The following ZBTB46 variants were observed in gnomAD, a reference collection of about 807,000 sequenced individuals.
The protein encoded by ZBTB46 is zinc finger and BTB domain-containing protein 46.
In ZBTB46, 8 loss-of-function variants were observed where a neutral mutation model predicts 44.1. That is an observed-to-expected ratio of 0.18 (90% CI 0.11 to 0.33). The LOEUF (loss-of-function observed/expected upper bound fraction) is 0.33, where lower values mean the gene tolerates loss of function less well. ZBTB46 is among the 10% of genes least tolerant of loss of function. The probability of loss-of-function intolerance (pLI) is 1.00; values close to 1 mark genes in which losing one functional copy is unlikely to be tolerated. For synonymous variants in ZBTB46, 409 were observed against 382.3 expected, an observed-to-expected ratio of 1.07 and a Z score of -0.81; for missense variants, 651 against 847.7, an observed-to-expected ratio of 0.77 and a Z score of 2.88.
rs1439313913 is a variant in ZBTB46 at position 63,775,846 on chromosome 20, G to T, written c.1054C>A (p.Pro352Thr). Residue 352 changes from proline to threonine, a missense_variant, in exon 3 of 5, where the codon CCC becomes ACC. By Grantham distance (38) the Pro-to-Thr change is conservative (BLOSUM62 -1). This residue lies in a region of ZBTB46 where 385 missense variants were observed against 423.3 expected (regional missense o/e 0.91). Transcript: ENST00000245663. ...LGGEASYLGPPLTPEKDDALH... is the reference protein window; with the variant it reads ...LGGEASYLGPTLTPEKDDALH... ...GCGTCGTCCTTCTCTGGGGTGAGGG[G>T]AGGGCCCAGATAGCTGGCTTCTCCT... 7 of 1,613,460 alleles carry T rather than the reference G, an allele frequency of 4.3e-6. No individual in the cohort carries two copies. The South Asian group carries it at 6.6e-5, about 15-fold the overall frequency.
Position 63,749,030 on chromosome 20 carries a change from C to G in ZBTB46, c.1399-1729G>C, listed in dbSNP as rs2092133125. Among the ~76,000 whole-genome samples the G allele has an allele frequency of 2.6e-5, 4 of 152,264 alleles. No individual in the cohort carries two copies. In the South Asian group the frequency reaches 8.3e-4, roughly 31 times the overall value. ...CAGGCCGACAGGCCACCCAGCACGG[C>G]CCGACCTCCCCTTCTAGACCCGCTT... On this transcript the variant is annotated intron_variant, in intron 4 of 4. Transcript: ENST00000245663.
At chr20:63,821,431 G>C (rs1395833684) in intron 1 of ZBTB46, among the ~76,000 whole-genome samples, 3 of 145,782 alleles carry the variant, frequency 2.1e-5, no homozygotes. Context: ...GGGACTACAA[G>C]CAGGCACGCT....
intron 1 of ZBTB46, among the ~76,000 whole-genome samples, chr20:63,815,720 G>C (rs2092748462): frequency 6.7e-6 from 1 of 148,616 alleles, no homozygotes; most frequent in Non-Finnish European, 1.5e-5. Context: ...GGTCGAGTGG[G>C]TGCAGGTGCA....
intron 3 of ZBTB46, among the ~76,000 whole-genome samples, chr20:63,774,694 T>C (rs2092406581): frequency 5.2e-5 from 1 of 19,222 alleles, no homozygotes; most frequent in Non-Finnish European, 1.1e-4. Context: ...GGTGGGTTTT[T>C]TTTGTTTTTT....
At chr20:63,796,553 C>T (rs2145957953) in intron 1 of ZBTB46, among the ~76,000 whole-genome samples, 1 of 152,356 alleles carries the variant, frequency 6.6e-6, no homozygotes, top group South Asian at 2.1e-4. Context: ...AGGCCGAGTG[C>T]GGTGGCGCAC....
intron 2 of ZBTB46, among the ~76,000 whole-genome samples, chr20:63,782,874 G>A (rs1041057854): frequency 1.3e-5 from 2 of 152,242 alleles, no homozygotes; most frequent in Non-Finnish European, 2.9e-5. Flanking sequence ...AGGCCCAGGC[G>A]GGAGGATCGC....
At chr20:63,833,463 T>G (rs908767846), upstream of ZBTB46, among the ~76,000 whole-genome samples, 10 of 152,130 alleles carry the variant, frequency 6.6e-5, no homozygotes. Flanking sequence ...TGGTGGCAGG[T>G]GCCTGTAGTC....
At chr20:63,788,494 G>T (rs2092533724) in intron 2 of ZBTB46, among the ~76,000 whole-genome samples, 2 of 152,186 alleles carry the variant, frequency 1.3e-5, no homozygotes, top group Non-Finnish European at 2.9e-5. Flanking sequence ...GAGCCCCTTT[G>T]CAGTGAGTAA....
In ZBTB46 at chr20:63,804,923, CTT is replaced by C. The variant is rs796503047; in HGVS notation, c.-33-14135_-33-14134del. On this transcript the variant is annotated intron_variant, in intron 1 of 4. Coordinates refer to ENST00000245663, the MANE Select transcript of ZBTB46 (RefSeq NM_001369741.1). ...ACAACAACAAAAAAAACCTACATGA[CTT>C]TTTTTTTTTTTTCTCAGAAGGAGTC... Among the ~76,000 whole-genome samples the C allele has an allele frequency of 4.3e-5, 6 of 138,488 alleles. No individual in the cohort carries two copies. The East Asian group carries it at 8.6e-4, about 20-fold the overall frequency. 90.9% of individuals were successfully genotyped at this position (138,488 alleles called of 152,430 possible). A position where few individuals can be genotyped will look rare whatever the true frequency, so the allele number is the denominator to read the frequency against.
At chr20:63,768,216 G>T in intron 3 of ZBTB46, 23 of 700,218 alleles carry the variant, frequency 3.3e-5, no homozygotes, top group South Asian at 6.4e-5. Context: ...TATCCTGTGA[G>T]AAATGAGAAA....
At chr20:63,825,257 C>A (rs1393532016) in intron 1 of ZBTB46, among the ~76,000 whole-genome samples, 1 of 151,722 alleles carries the variant, frequency 6.6e-6, no homozygotes, top group East Asian at 1.9e-4. Context: ...AAAAATTAGC[C>A]GGGCGTGGTG....
chr20:63,751,347 A>G (rs935938593), intron 4 of ZBTB46, among the ~76,000 whole-genome samples: 1 of 152,038 alleles, frequency 6.6e-6, no homozygotes, highest in Non-Finnish European at 1.5e-5. Context: ...GCAAAGGCAA[A>G]TGTGGGGGCA....
intron 3 of ZBTB46, among the ~76,000 whole-genome samples, chr20:63,771,236 C>G (rs987787738): frequency 1.3e-5 from 2 of 152,200 alleles, no homozygotes; most frequent in African/African-American, 2.4e-5. Context: ...CCGGCGGCCC[C>G]CGGGGCTCAG....
intron 4 of ZBTB46, among the ~76,000 whole-genome samples, chr20:63,749,790 C>A (rs546234936): frequency 1.1e-4 from 16 of 152,330 alleles, no homozygotes; most frequent in African/African-American, 3.6e-4. Flanking sequence ...GGCCTAGGCT[C>A]CCATGTGTGC....
chr20:63,768,175 T>C, intron 3 of ZBTB46: 1 of 967,804 alleles, frequency 1.0e-6, no homozygotes, highest in Non-Finnish European at 1.2e-6. Context: ...AATATATGCA[T>C]TAACAAAACA....
At chr20:63,774,869 A>C (rs1370054015) in intron 3 of ZBTB46, among the ~76,000 whole-genome samples, 6 of 150,458 alleles carry the variant, frequency 4.0e-5, no homozygotes, top group Non-Finnish European at 7.4e-5. Flanking sequence ...ACGCCCGGCT[A>C]ATTTTTTGTA....
intron 2 of ZBTB46, among the ~76,000 whole-genome samples, chr20:63,784,678 G>T (rs1341915079): frequency 2.0e-5 from 3 of 152,228 alleles, no homozygotes; most frequent in African/African-American, 7.2e-5. Context: ...CTGCCCCATA[G>T]CTGCAAACAT....
chr20:63,809,971 A>AAAG (rs1555854895), intron 1 of ZBTB46, among the ~76,000 whole-genome samples: 2 of 151,928 alleles, frequency 1.3e-5, no homozygotes, highest in East Asian at 3.9e-4. Flanking sequence ...CAAAAAAAAA[A>AAAG]AAAGAAAAGA....
intron 1 of ZBTB46, among the ~76,000 whole-genome samples, chr20:63,801,732 A>G (rs2092647349): frequency 6.6e-6 from 1 of 152,088 alleles, no homozygotes; most frequent in African/African-American, 2.4e-5. Flanking sequence ...AACTCCAGAC[A>G]CGCCGCCTTT....
Sources: allele counts gnomAD v4.1 joint callset (sites outside exome capture counted in the v4.1 genomes callset), GRCh38; gene constraint gnomAD v4.1.1; regional missense constraint gnomAD v4.1.1; transcripts MANE v1.5; gene names NCBI Gene and HGNC (gene_info 2026-07-23, HGNC 2026-07-21).